The following GTF2I variants were observed in gnomAD, a reference collection of about 807,000 sequenced individuals.
The protein encoded by GTF2I is general transcription factor IIi, also known as general transcription factor II-I.
GTF2I carries 12 observed loss-of-function variants against 67.6 expected under a neutral mutation model. That is an observed-to-expected ratio of 0.18 (90% confidence interval 0.11 to 0.29). GTF2I has a LOEUF of 0.29. Ranked by LOEUF, GTF2I falls within the 10% of genes least tolerant of loss-of-function variation. The pLI is 1.00. For synonymous variants in GTF2I, 149 were observed against 197.0 expected (o/e 0.76, Z 2.04); for missense variants, 271 against 580.1 (o/e 0.47, Z 5.47).
intron 3 of GTF2I, 118 bp downstream of exon 3, chr7:74,691,229 G>A (rs1788269668): frequency 1.3e-6 from 1 of 746,100 alleles, no homozygotes. Flanking sequence ...TTTTTGAGAT[G>A]GAGTTTTGCT....
At chr7:74,693,593 T>C (rs1554397615) in intron 3 of GTF2I, among the ~76,000 whole-genome samples, 1 of 151,980 alleles carries the variant, frequency 6.6e-6, no homozygotes, top group East Asian at 1.9e-4. Context: ...ATGCCTGTCA[T>C]CCTAGCACTT....
intron 8 of GTF2I, among the ~76,000 whole-genome samples, chr7:74,708,038 A>G (rs1270973591): frequency 6.6e-6 from 1 of 152,094 alleles, no homozygotes; most frequent in African/African-American, 2.4e-5. Context: ...AGTGGCTCAC[A>G]CCTGTAATCC....
intron 12 of GTF2I, among the ~76,000 whole-genome samples, chr7:74,728,443 C>CTT (rs1284265969): frequency 2.1e-5 from 3 of 143,594 alleles, no homozygotes; most frequent in Admixed American, 1.4e-4. Flanking sequence ...AGGTGGCTGT[C>CTT]TTTATTAAAA....
At chr7:74,659,069 G>GACTC (rs1242557553) in intron 1 of GTF2I, among the ~76,000 whole-genome samples, 3 of 151,880 alleles carry the variant, frequency 2.0e-5, no homozygotes, top group Non-Finnish European at 4.4e-5. Flanking sequence ...AGCTCTTGCT[G>GACTC]ACTACTGACC....
intron 8 of GTF2I, among the ~76,000 whole-genome samples, chr7:74,708,523 G>A (rs7795281): frequency 0.79 from 119,418 of 151,516 alleles, 47,273 homozygotes; most frequent in East Asian, 0.94. Flanking sequence ...GACATTGCCA[G>A]CCGGGCACAG....
At chr7:74,689,266 C>A in intron 2 of GTF2I, 39 bp downstream of exon 2, 1 of 1,055,280 alleles carries the variant, frequency 9.5e-7, no homozygotes, top group Non-Finnish European at 1.5e-6. Flanking sequence ...GTTGGGTAGG[C>A]CTGCACTGTA....
chr7:74,686,421 C>G (rs1385443357), intron 1 of GTF2I, among the ~76,000 whole-genome samples: 3 of 152,136 alleles, frequency 2.0e-5, no homozygotes, highest in African/African-American at 7.2e-5. Context: ...GAAAATTGCC[C>G]TAGTTTCATG....
chr7:74,715,362 C>T (rs1792131482), intron 10 of GTF2I, among the ~76,000 whole-genome samples: 1 of 152,050 alleles, frequency 6.6e-6, no homozygotes, highest in Non-Finnish European at 1.5e-5. Flanking sequence ...AAACTTGATA[C>T]TCATAGGCTA....
In GTF2I at chr7:74,689,156, C is replaced by T. The variant is rs782767960; in HGVS notation, c.28C>T (p.Pro10Ser). Reference protein sequence around the residue: MAQVAMSTLPVEDEESSESR... With the variant: MAQVAMSTLSVEDEESSESR... ...GGCCCAAGTTGCAATGTCCACCCTC[C>T]CCGTTGAAGATGAGGAGTCCTCGGA... Residue 10 changes from proline to serine, a missense_variant, in exon 2 of 35, where the codon CCC becomes TCC. Around this residue, in one of 9 missense-constraint regions of GTF2I, gnomAD observed 17 missense variants for 18.2 expected, o/e 0.94. Transcript: ENST00000573035. The T allele has an allele frequency of 1.2e-6, 2 of 1,612,252 alleles. No individual in the cohort carries two copies. Among genetic ancestry groups the T allele is most frequent in the African/African-American group, 1.3e-5 (1 of 74,924 alleles).
intron 19 of GTF2I, 100 bp from the exon 20 acceptor site, chr7:74,743,344 CAAAAA>C: frequency 3.3e-6 from 1 of 305,710 alleles, no homozygotes; most frequent in Non-Finnish European, 6.1e-6. Context: ...ACAAAACAAA[CAAAAA>C]AGAATCACTG....
intron 1 of GTF2I, among the ~76,000 whole-genome samples, chr7:74,682,878 A>T (rs1787385797): frequency 6.6e-6 from 1 of 152,246 alleles, no homozygotes; most frequent in African/African-American, 2.4e-5. Flanking sequence ...CATAGAAATG[A>T]AAATTACAAA....
intron 1 of GTF2I, among the ~76,000 whole-genome samples, chr7:74,664,252 TG>T (rs1323486723): frequency 1.3e-5 from 2 of 152,184 alleles, no homozygotes. Flanking sequence ...CTCTCCCTGC[TG>T]TCTTCCTGTT....
intron 1 of GTF2I, among the ~76,000 whole-genome samples, chr7:74,664,076 G>A (rs1192913734): frequency 2.0e-5 from 3 of 152,236 alleles, no homozygotes; most frequent in East Asian, 1.9e-4. Context: ...TGATCTGCCC[G>A]CCTTGGCCTC....
At chr7:74,667,077 G>A (rs941808826) in intron 1 of GTF2I, among the ~76,000 whole-genome samples, 3 of 152,228 alleles carry the variant, frequency 2.0e-5, no homozygotes, top group Middle Eastern at 3.4e-3. Flanking sequence ...CCCTGGAGGC[G>A]GAGGTTGCAG....
chr7:74,739,119 C>T (rs1484274880), intron 19 of GTF2I, among the ~76,000 whole-genome samples: 86 of 11,672 alleles, frequency 7.4e-3, no homozygotes, highest in African/African-American at 0.021. Flanking sequence ...GGGCCTCCGC[C>T]TCCCGGGTTC....
intron 12 of GTF2I, among the ~76,000 whole-genome samples, chr7:74,725,642 G>A (rs1793670562): frequency 6.6e-6 from 1 of 152,016 alleles, no homozygotes. Context: ...TGCAGTGAGT[G>A]GTGCTCCAGC....
intron 6 of GTF2I, among the ~76,000 whole-genome samples, chr7:74,702,429 T>C (rs1247268428): frequency 6.6e-6 from 1 of 152,158 alleles, no homozygotes; most frequent in Non-Finnish European, 1.5e-5. Flanking sequence ...GGTTTCACCA[T>C]GTTGGCCAGG....
At chr7:74,680,208 ATATAT>A (rs1327289179) in intron 1 of GTF2I, among the ~76,000 whole-genome samples, 9 of 147,312 alleles carry the variant, frequency 6.1e-5, no homozygotes, top group African/African-American at 9.9e-5. Context: ...ATTTGTGTAT[ATATAT>A]TATAACATGA....
chr7:74,673,130 G>C (rs1805604096), intron 1 of GTF2I, among the ~76,000 whole-genome samples: 1 of 152,128 alleles, frequency 6.6e-6, no homozygotes, highest in South Asian at 2.1e-4. Context: ...AAAGTGCTGG[G>C]ATTACAGGCC....
Sources: gnomAD v4.1 joint callset for allele counts (sites outside exome capture counted in the v4.1 genomes callset) on GRCh38, gnomAD v4.1.1 for gene constraint, gnomAD v4.1.1 regional missense constraint, MANE v1.5 for transcripts, NCBI Gene and HGNC (gene_info 2026-07-23, HGNC 2026-07-21) for gene names.